The following MKI67 variants were observed in gnomAD, a reference collection of about 807,000 sequenced individuals.
MKI67 encodes marker of proliferation Ki-67.
MKI67 carries 152 observed loss-of-function variants against 233.5 expected under a neutral mutation model. The observed-to-expected ratio is 0.65, with a 90% CI of 0.57 to 0.74. The LOEUF (loss-of-function observed/expected upper bound fraction) is 0.74, where lower values mean the gene tolerates loss of function less well. Among genes scored for constraint, MKI67 ranks in the 30% least tolerant of loss-of-function variants. The probability of loss-of-function intolerance (pLI) is 0.00; values close to 1 mark genes in which losing one functional copy is unlikely to be tolerated. For synonymous variants in MKI67, 1,465 were observed against 1,418.5 expected (o/e 1.03, Z -0.74); for missense variants, 3,940 against 3,885.2 (o/e 1.01, Z -0.37).
chr10:128,111,180 A>C lies in MKI67; in HGVS notation c.2260+465T>G, dbSNP rs141633220. 1.1e-3 allele frequency among the ~76,000 whole-genome samples: 171 copies of C among 152,306 alleles called. 1 individual carries two copies. The highest frequency in any genetic ancestry group is 3.8e-3 in the African/African-American group (158 of 41,564). ...CTGAGAGTGGGAATTGAATGGAAATATTTCTTCAACAATCGTTTATGGGAA... is the reference window on the plus strand; with the variant it reads ...CTGAGAGTGGGAATTGAATGGAAATCTTTCTTCAACAATCGTTTATGGGAA... On this transcript the variant is annotated intron_variant, in intron 11 of 14. Transcript: ENST00000368654.
chr10:128,121,153 A>T (rs1332182145), intron 4 of MKI67, among the ~76,000 whole-genome samples: 1 of 151,850 alleles, frequency 6.6e-6, no homozygotes, highest in Non-Finnish European at 1.5e-5. Context: ...CCAAGACATC[A>T]TTCTAAGTTT....
At position 128,125,577 on chromosome 10, in the gene MKI67, T is replaced by C. The variant is rs1214165146; in HGVS notation, c.91A>G (p.Arg31Gly). ...TCCGCGCGCGCCCGCGGGGCTCACC[T>C]TCCAAACAAGCAGGTGCTGAGGCTC... ...PLSLSTCLFG[R>G]GIECDIRIQL... Residue 31 changes from arginine to glycine, a missense_variant and splice_region_variant, in exon 2 of 15, where the codon AGG becomes GGG. Transcript: ENST00000368654. The surrounding 1 kb of genome is among the most constrained non-coding windows in gnomAD (Gnocchi z 5.3). 9.3e-6 allele frequency: 15 copies of C among 1,612,514 alleles called. No homozygotes were observed. Among genetic ancestry groups the C allele is most frequent in the African/African-American group, 1.3e-5 (1 of 74,826 alleles).
Position 128,123,072 on chromosome 10 carries a change from C to A in MKI67, c.171+19G>T. ...GAACTAAAAAGCTTTAAAAGTAGAT[C>A]TTCAAAAAACCCACTCACCTCCTGC... On this transcript the variant is annotated intron_variant, in intron 3 of 14. Coordinates refer to ENST00000368654, the MANE Select transcript of MKI67 (RefSeq NM_002417.5). 1 of 1,609,068 alleles carries A rather than the reference C, an allele frequency of 6.2e-7. No homozygotes were observed. The highest frequency in any genetic ancestry group is 8.5e-7 in the Non-Finnish European group (1 of 1,175,822).
intron 7 of MKI67, among the ~76,000 whole-genome samples, chr10:128,114,342 G>A (rs1045735425): frequency 7.2e-5 from 11 of 152,290 alleles, no homozygotes; most frequent in South Asian, 4.1e-4. Context: ...TGGGTTGTGC[G>A]TTTCCTCATG....
rs751305619 is a variant in MKI67 at position 128,102,900 on chromosome 10, A to G, written c.8940T>C (p.Pro2980=). ...PVGDVVSTRD[P]VKSQSKSNTS... is the part of the protein sequence containing the mutation. ...TGTTGCTTTTGCTTTGTGATTTTAC[A>G]GGGTCTCTGGTGCTTACCACGTCTC... Residue 2980 remains proline (P), a synonymous_variant, in exon 13 of 15, where the codon CCT becomes CCC. Coordinates refer to ENST00000368654, the MANE Select transcript of MKI67 (RefSeq NM_002417.5). 1.6e-5 allele frequency: 26 copies of G among 1,614,054 alleles called. 1 individual carries two copies. The South Asian group carries it at 2.9e-4, about 18-fold the overall frequency.
Position 128,108,654 on chromosome 10 carries a change from G to C in MKI67, c.3186C>G (p.Gly1062=). ...THTHREPAGD[G]KSIRTFKESP... is the part of the protein sequence containing the mutation. ...ACTCCTTAAACGTTCTGATGCTCTT[G>C]CCATCTCCTGCTGGCTCTCTGTGCG... The change falls in exon 13 of 15, where the codon GGC becomes GGG. Residue 1062 remains glycine, a synonymous_variant. Transcript: ENST00000368654. 6.2e-7 allele frequency: 1 copy of C among 1,614,112 alleles called. No individual in the cohort carries two copies. The highest frequency in any genetic ancestry group is 8.5e-7 in the Non-Finnish European group (1 of 1,180,012).
intron 8 of MKI67, 78 bp downstream of exon 8, chr10:128,113,349 G>T: frequency 7.2e-7 from 1 of 1,381,030 alleles, no homozygotes; most frequent in Non-Finnish European, 1.0e-6. Flanking sequence ...AATTCTACTT[G>T]TGTCAGTATT....
At position 128,112,456 on chromosome 10, in the gene MKI67, A is replaced by G; in HGVS notation, c.1657-11T>C. 6.2e-7 allele frequency: 1 copy of G among 1,611,458 alleles called. No homozygotes were observed. The highest frequency in any genetic ancestry group is 8.5e-7 in the Non-Finnish European group (1 of 1,178,206). ...TGGTTGAGGCTGTTCCTGACAAGACAAAATTGTTTACAAGAAGCCTTAACA... is the reference window on the plus strand; with the variant it reads ...TGGTTGAGGCTGTTCCTGACAAGACGAAATTGTTTACAAGAAGCCTTAACA... On this transcript the variant is annotated splice_polypyrimidine_tract_variant and intron_variant, in intron 8 of 14. Coordinates refer to ENST00000368654, the MANE Select transcript of MKI67 (RefSeq NM_002417.5).
rs868696867 is a variant in MKI67, at chr10:128,125,286, C to T, written c.92+290G>A. ...CACAGTGTCTTCAGACGCCTGCCTGCAGCCAGTGACATATGAAGATCATCT... is the reference window on the plus strand; with the variant it reads ...CACAGTGTCTTCAGACGCCTGCCTGTAGCCAGTGACATATGAAGATCATCT... On this transcript the variant is annotated intron_variant, in intron 2 of 14. Coordinates refer to ENST00000368654, the MANE Select transcript of MKI67 (RefSeq NM_002417.5). The surrounding 1 kb of genome is among the most constrained non-coding windows in gnomAD (Gnocchi z 5.3). Among the ~76,000 whole-genome samples the T allele has an allele frequency of 6.6e-6, 1 of 152,184 alleles. No individual in the cohort carries two copies. The highest frequency in any genetic ancestry group is 2.4e-5 in the African/African-American group (1 of 41,448).
chr10:128,118,259 G>C (rs951495213), intron 5 of MKI67, among the ~76,000 whole-genome samples: 1 of 152,078 alleles, frequency 6.6e-6, no homozygotes, highest in African/African-American at 2.4e-5. Flanking sequence ...AGCCAGGCAT[G>C]GTGGTGTGCA....
rs771084759 is a variant in MKI67 at position 128,104,369 on chromosome 10, T to C, written c.7471A>G (p.Met2491Val). 5.6e-6 allele frequency: 9 copies of C among 1,614,110 alleles called. No individual in the cohort carries two copies. The highest frequency in any genetic ancestry group is 1.7e-5 in the Admixed American group (1 of 60,006). ...RLKIPLVKVD[M>V]KEEPLAVSKL... ...CTGACTGCTAGGGGCTCTTCTTTCATGTCCACTTTCACCAGGGGTATCTTG... is the reference window on the plus strand; with the variant it reads ...CTGACTGCTAGGGGCTCTTCTTTCACGTCCACTTTCACCAGGGGTATCTTG... The change falls in exon 13 of 15, where the codon ATG (methionine) becomes GTG (valine). Residue 2491 changes from methionine (M) to valine (V), a missense_variant. Met to Val is a conservative substitution (Grantham distance 21). Transcript: ENST00000368654.
chr10:128,117,750 A>G (rs1442642248), intron 5 of MKI67, among the ~76,000 whole-genome samples: 1 of 152,238 alleles, frequency 6.6e-6, no homozygotes, highest in Non-Finnish European at 1.5e-5. Context: ...AACAATATAA[A>G]TGAACCACTA....
Position 128,115,769 on chromosome 10 carries a change from G to T in MKI67, c.639C>A (p.Ser213Arg), listed in dbSNP as rs757581243. 4 of 1,612,992 alleles carry T rather than the reference G, an allele frequency of 2.5e-6. No individual in the cohort carries two copies. Among genetic ancestry groups the T allele is most frequent in the South Asian group, 2.2e-5 (2 of 91,084 alleles). ...GAACAGACTTCAATTCTCCATAACG[G>T]CTCACTAATTTAACGCTGGAAATTT... Reference protein sequence around the residue: ...FKEISSVKLVSRYGELKSVPT... With the variant: ...FKEISSVKLVRRYGELKSVPT... The change falls in exon 7 of 15, where the codon AGC becomes AGA. Residue 213 changes from serine (S) to arginine (R), a missense_variant. Coordinates refer to ENST00000368654, the MANE Select transcript of MKI67 (RefSeq NM_002417.5).
Position 128,107,133 on chromosome 10 carries a change from A to G in MKI67, c.4707T>C (p.Thr1569=), listed in dbSNP as rs1374466706. Reference sequence around the variant, plus strand: ...GAGTTTGTAGCCGTCTCTTGCTGCCAGTTAAGTTCTCTGTCAGGTCCAGTT... The same window carrying G: ...GAGTTTGTAGCCGTCTCTTGCTGCCGGTTAAGTTCTCTGTCAGGTCCAGTT... The part of the protein sequence containing the change: ...VQKLDLTENL[T]GSKRRLQTPK... The change falls in exon 13 of 15, where the codon ACT becomes ACC. Residue 1569 remains threonine (T), a synonymous_variant. Transcript: ENST00000368654. 8.7e-6 allele frequency: 14 copies of G among 1,611,600 alleles called. No homozygotes were observed. The East Asian group carries it at 2.7e-4, about 31-fold the overall frequency.
Position 128,122,916 on chromosome 10 carries a change from A to G in MKI67, c.252T>C (p.His84=). 6.3e-7 allele frequency: 1 copy of G among 1,595,430 alleles called. No individual in the cohort carries two copies. Among genetic ancestry groups the G allele is most frequent in the East Asian group, 2.2e-5 (1 of 44,454 alleles). Reference sequence around the variant, plus strand: ...GATCAATAATAGTTATTACATCTCCATGTTTTAGCCGTACAGGCTCATCAA... The same window carrying G: ...GATCAATAATAGTTATTACATCTCCGTGTTTTAGCCGTACAGGCTCATCAA... ...SVIDEPVRLK[H]GDVITIIDRS... The change falls in exon 4 of 15, where the codon CAT becomes CAC. Residue 84 remains histidine, a synonymous_variant. Coordinates refer to ENST00000368654, the MANE Select transcript of MKI67 (RefSeq NM_002417.5).
At chr10:128,099,564 C>G (rs542365788) in intron 14 of MKI67, among the ~76,000 whole-genome samples, 1 of 152,286 alleles carries the variant, frequency 6.6e-6, no homozygotes, top group South Asian at 2.1e-4. Context: ...TTTTCACAAA[C>G]TAAAAAATGT....
rs10082432 is a variant in MKI67, at chr10:128,103,458, G to A, written c.8382C>T (p.Ala2794=). The change falls in exon 13 of 15, where the codon GCC becomes GCT. Residue 2794 remains alanine (A), a synonymous_variant. Transcript: ENST00000368654. ...RRRPRAPRES[A]QAIEDLAGFK... is the part of the protein sequence containing the mutation. Reference sequence around the variant, plus strand: ...AGCCAGCTAGGTCTTCTATGGCTTGGGCACTTTCCCTGGGTGCTCTTGGCC... The same window carrying A: ...AGCCAGCTAGGTCTTCTATGGCTTGAGCACTTTCCCTGGGTGCTCTTGGCC... 0.18 allele frequency: 294,908 copies of A among 1,613,370 alleles called. 28,131 individuals are homozygous for A. Among genetic ancestry groups the A allele is most frequent in the African/African-American group, 0.31 (23,404 of 74,766 alleles).
chr10:128,125,682 G>A lies in MKI67; in HGVS notation c.-15C>T, dbSNP rs368473786. On this transcript the variant is annotated 5_prime_UTR_variant, in exon 2 of 15. Coordinates refer to ENST00000368654, the MANE Select transcript of MKI67 (RefSeq NM_002417.5). This position sits in a 1 kb window ranked among gnomAD's most constrained non-coding sequence, Gnocchi z 5.3. ...GTGGGCCACATTTTCTAAACAGTAA[G>A]TTGAGTATAATCCGTAGGGGAAGGC... 9.0e-5 allele frequency: 145 copies of A among 1,610,164 alleles called. No homozygotes were observed. The highest frequency in any genetic ancestry group is 4.1e-4 in the African/African-American group (31 of 74,970).
Position 128,104,666 on chromosome 10 carries a change from G to A in MKI67, c.7174C>T (p.Pro2392Ser). ...ATATTTTTCTCATCACTTACTGCTG[G>A]TTTTGGTGTGTCCATGGCTTTGCCT... ...SAGKAMDTPK[P>S]AVSDEKNINT... is the part of the protein sequence containing the mutation. The change falls in exon 13 of 15, where the codon CCA becomes TCA. Residue 2392 changes from proline to serine, a missense_variant. By Grantham distance (74) the Pro-to-Ser change is moderately conservative. Coordinates refer to ENST00000368654, the MANE Select transcript of MKI67 (RefSeq NM_002417.5). 7 of 1,613,858 alleles carry A rather than the reference G, an allele frequency of 4.3e-6. No individual in the cohort carries two copies. Among genetic ancestry groups the A allele is most frequent in the Non-Finnish European group, 5.1e-6 (6 of 1,179,996 alleles).
Sources: allele counts gnomAD v4.1 joint callset (sites outside exome capture counted in the v4.1 genomes callset), GRCh38; gene constraint gnomAD v4.1.1; non-coding constraint Gnocchi (gnomAD v3.1); transcripts MANE v1.5; gene names NCBI Gene and HGNC (gene_info 2026-07-23, HGNC 2026-07-21).